Variants in KLHL2 observed in about 807,000 individuals in gnomAD.
The protein encoded by KLHL2 is kelch like family member 2.
In KLHL2, 15 loss-of-function variants were observed where a neutral mutation model predicts 75.8. The ratio of observed to expected loss-of-function variants is 0.20; its 90% confidence interval spans 0.13 to 0.30. KLHL2 has a LOEUF of 0.30. KLHL2 is among the 10% of genes least tolerant of loss of function. The pLI, the probability that KLHL2 is intolerant of heterozygous loss-of-function variation, is 1.00. For synonymous variants in KLHL2, 214 were observed against 251.9 expected (o/e 0.85, Z 1.42); for missense variants, 381 against 741.0 (o/e 0.51, Z 5.64).
chr4:165,278,368 T>G, intron 5 of KLHL2: 1 of 1,296,142 alleles, frequency 7.7e-7, no homozygotes, highest in Non-Finnish European at 1.1e-6. Context: ...TGGTCATTCC[T>G]CCATCAACCT....
At chr4:165,243,050 A>G (rs1739949086) in intron 4 of KLHL2, among the ~76,000 whole-genome samples, 1 of 152,248 alleles carries the variant, frequency 6.6e-6, no homozygotes, top group African/African-American at 2.4e-5. Context: ...GTCATTAACT[A>G]GTATTGCTTA....
At chr4:165,314,202 A>C in intron 13 of KLHL2, 36 bp downstream of exon 13, 1 of 1,574,158 alleles carries the variant, frequency 6.4e-7, no homozygotes, top group Non-Finnish European at 8.7e-7. Context: ...ACTTATGTTG[A>C]ATTTTATTTT....
chr4:165,287,404 G>C (rs996269754), intron 5 of KLHL2, among the ~76,000 whole-genome samples: 1 of 152,062 alleles, frequency 6.6e-6, no homozygotes, highest in Admixed American at 6.5e-5. Context: ...TCATTAATCA[G>C]TGGATACCTG....
At chr4:165,315,265 C>A (rs1245727303) in intron 13 of KLHL2, among the ~76,000 whole-genome samples, 1 of 152,016 alleles carries the variant, frequency 6.6e-6, no homozygotes. Flanking sequence ...TATTTTTTCT[C>A]TATATGTGTT....
chr4:165,217,750 A>G (rs1448912400), intron 1 of KLHL2, among the ~76,000 whole-genome samples: 2 of 152,152 alleles, frequency 1.3e-5, no homozygotes, highest in Non-Finnish European at 2.9e-5. Flanking sequence ...CATCCATGTA[A>G]CCAGTGATTC....
At chr4:165,265,138 A>G (rs1347627988) in intron 5 of KLHL2, among the ~76,000 whole-genome samples, 2 of 152,118 alleles carry the variant, frequency 1.3e-5, no homozygotes, top group Non-Finnish European at 2.9e-5. Flanking sequence ...GATGTTCAGC[A>G]TTTCTTTCAT....
rs75916289 is a variant in KLHL2 at position 165,309,432 on chromosome 4, A to G, written c.1040-1121A>G. 2.0e-5 allele frequency among the ~76,000 whole-genome samples: 3 copies of G among 152,356 alleles called. No individual in the cohort carries two copies. The East Asian group carries it at 5.8e-4, about 29-fold the overall frequency. ...GAAAAGATGGTTGAAACCTGAGTCT[A>G]GCAGTCTAGTTTCTCCATTCACTGA... On this transcript the variant is annotated intron_variant, in intron 9 of 14. Transcript: ENST00000226725.
intron 4 of KLHL2, among the ~76,000 whole-genome samples, chr4:165,251,661 G>A (rs1382390483): frequency 6.8e-6 from 1 of 147,562 alleles, no homozygotes; most frequent in African/African-American, 2.5e-5. Flanking sequence ...CCAGGCTGGA[G>A]TGCAGTGGCG....
intron 10 of KLHL2, 75 bp downstream of exon 10, chr4:165,310,825 C>T: frequency 8.6e-7 from 1 of 1,161,652 alleles, no homozygotes; most frequent in Non-Finnish European, 1.3e-6. Flanking sequence ...TAAATTGTGG[C>T]AACATTAGGG....
At chr4:165,251,028 T>C (rs1740661747) in intron 4 of KLHL2, among the ~76,000 whole-genome samples, 1 of 152,202 alleles carries the variant, frequency 6.6e-6, no homozygotes, top group Non-Finnish European at 1.5e-5. Context: ...GGAAGGCTTA[T>C]TGCTTTTCCA....
At chr4:165,281,604 C>T (rs998245975) in intron 5 of KLHL2, among the ~76,000 whole-genome samples, 2 of 152,082 alleles carry the variant, frequency 1.3e-5, no homozygotes, top group African/African-American at 2.4e-5. Flanking sequence ...CGTGAGCCAC[C>T]GTGCCCAGCC....
intron 4 of KLHL2, among the ~76,000 whole-genome samples, chr4:165,245,953 A>G (rs1740224752): frequency 6.6e-6 from 1 of 152,108 alleles, no homozygotes; most frequent in Non-Finnish European, 1.5e-5. Context: ...TATGCCAGAC[A>G]CTGTTCCAAC....
chr4:165,262,290 T>C (rs1420004015), intron 4 of KLHL2, among the ~76,000 whole-genome samples: 1 of 152,204 alleles, frequency 6.6e-6, no homozygotes, highest in Non-Finnish European at 1.5e-5. Flanking sequence ...ACATTTTCCT[T>C]GTTAGCACAT....
intron 14 of KLHL2, among the ~76,000 whole-genome samples, chr4:165,318,254 A>C (rs1385556114): frequency 2.0e-5 from 3 of 152,208 alleles, no homozygotes; most frequent in African/African-American, 7.2e-5. Context: ...AGAAGAATTC[A>C]TATGTGGCAA....
chr4:165,227,900 CTTTTT>C (rs557385631), intron 2 of KLHL2, among the ~76,000 whole-genome samples: 5 of 121,378 alleles, frequency 4.1e-5, no homozygotes, highest in African/African-American at 1.2e-4. Flanking sequence ...TAACAAAATG[CTTTTT>C]TTTTTTTTTT....
intron 9 of KLHL2, 78 bp from the exon 10 acceptor site, chr4:165,310,475 T>C (rs2126561317): frequency 8.2e-7 from 1 of 1,213,746 alleles, no homozygotes; most frequent in Non-Finnish European, 1.2e-6. Context: ...CAGCTATAGA[T>C]TTATCAGAAA....
chr4:165,297,511 T>C, intron 6 of KLHL2, 98 bp from the exon 7 acceptor site: 1 of 729,480 alleles, frequency 1.4e-6, no homozygotes, highest in Non-Finnish European at 2.5e-6. Context: ...TTGGATGTCT[T>C]AGCAAGAGTT....
intron 5 of KLHL2, among the ~76,000 whole-genome samples, chr4:165,283,506 C>T (rs1158844221): frequency 6.6e-6 from 1 of 152,206 alleles, no homozygotes; most frequent in Non-Finnish European, 1.5e-5. Flanking sequence ...TCTTAAAGCT[C>T]CAGAATGATC....
chr4:165,311,875 T>A (rs1481202748), intron 11 of KLHL2, among the ~76,000 whole-genome samples: 1 of 151,440 alleles, frequency 6.6e-6, no homozygotes, highest in Non-Finnish European at 1.5e-5. Context: ...TGTGTTTGAC[T>A]TATATAACAC....
Sources: gnomAD v4.1 joint callset for allele counts (sites outside exome capture counted in the v4.1 genomes callset) on GRCh38, gnomAD v4.1.1 for gene constraint, MANE v1.5 for transcripts, NCBI Gene and HGNC (gene_info 2026-07-23, HGNC 2026-07-21) for gene names.